Variants in TXNRD2 observed in about 807,000 individuals in gnomAD.
The protein encoded by TXNRD2 is thioredoxin reductase 2, mitochondrial.
TXNRD2 carries 67 observed loss-of-function variants against 70.8 expected under a neutral mutation model. The observed-to-expected ratio is 0.95, with a 90% CI of 0.78 to 1.16. The LOEUF is 1.16. Ranked by LOEUF, TXNRD2 falls within the 50% of genes most tolerant of loss-of-function variation. The pLI is 0.00. For synonymous variants in TXNRD2, 301 were observed against 295.8 expected (o/e 1.02, Z -0.18); for missense variants, 644 against 719.9 (o/e 0.89, Z 1.21).
At chr22:19,908,811 G>A (rs1256593366) in intron 8 of TXNRD2, among the ~76,000 whole-genome samples, 2 of 152,226 alleles carry the variant, frequency 1.3e-5, no homozygotes, top group South Asian at 2.1e-4. Context: ...AGAAGGAAAT[G>A]CAGATACAAC....
chr22:19,920,640 C>T (rs1207263521), intron 2 of TXNRD2, among the ~76,000 whole-genome samples: 3 of 152,030 alleles, frequency 2.0e-5, no homozygotes, highest in African/African-American at 7.2e-5. Context: ...TTCAAGCTTC[C>T]ATTTGCCCGG....
At chr22:19,923,868 AAATC>A (rs1941016245) in intron 2 of TXNRD2, among the ~76,000 whole-genome samples, 1 of 108,906 alleles carries the variant, frequency 9.2e-6, no homozygotes, top group Non-Finnish European at 1.9e-5. Context: ...TTTTTTTTTC[AAATC>A]TTGTGGACTT....
intron 11 of TXNRD2, among the ~76,000 whole-genome samples, chr22:19,888,250 G>A (rs1016960217): frequency 2.6e-5 from 4 of 152,144 alleles, no homozygotes; most frequent in African/African-American, 9.7e-5. Context: ...ATCACAATGA[G>A]AGCCCCACCA....
rs144004428 is a variant in TXNRD2, at chr22:19,886,154, G to A, written c.950-2693C>T. Among the ~76,000 whole-genome samples, 5 of 152,366 alleles carry A rather than the reference G, an allele frequency of 3.3e-5. No individual in the cohort carries two copies. The East Asian group carries it at 9.6e-4, about 29-fold the overall frequency. The stretch of plus-strand genomic sequence containing the variant: ...AAAGAAGAGTGAGTGGCCTGTGGCA[G>A]GCAGCAGGCTCAGCCCTGAGGAGGG... On this transcript the variant is annotated intron_variant, in intron 11 of 17. Coordinates refer to ENST00000400521, the MANE Select transcript of TXNRD2 (RefSeq NM_006440.5).
At position 19,909,783 on chromosome 22, in the gene TXNRD2, CCA is replaced by C. The variant is rs1195518697; in HGVS notation, c.662+1592_662+1593del. Among the ~76,000 whole-genome samples, 35 of 120,486 alleles carry C rather than the reference CCA, an allele frequency of 2.9e-4. 2 individuals are homozygous for C. Among genetic ancestry groups the C allele is most frequent in the African/African-American group, 7.7e-4 (24 of 31,026 alleles). The allele number at this position is 120,486 out of a possible 152,430, so 79.0% of individuals were successfully genotyped here. ...CCTTCACACACACACACCACACACA[CCA>C]CACACACACCACTCACACACACCAC... is the stretch of plus-strand genomic sequence containing the variant. On this transcript the variant is annotated intron_variant, in intron 8 of 17. Transcript: ENST00000400521.
chr22:19,878,486 C>T (rs762756911), intron 14 of TXNRD2, 49 bp from the exon 15 acceptor site: 88 of 1,544,366 alleles, frequency 5.7e-5, no homozygotes, highest in South Asian at 3.1e-4. Flanking sequence ...AAACAAACCT[C>T]GTGGCACCTG....
intron 11 of TXNRD2, among the ~76,000 whole-genome samples, chr22:19,892,947 T>C (rs1239555421): frequency 2.0e-5 from 3 of 152,234 alleles, no homozygotes; most frequent in African/African-American, 4.8e-5. Flanking sequence ...CTGAGAACAT[T>C]GCTCTTGCTG....
In TXNRD2 at chr22:19,921,447, T is replaced by G. The variant is rs139924984; in HGVS notation, c.173-1848A>C. Among the ~76,000 whole-genome samples, 750 of 147,046 alleles carry G rather than the reference T, an allele frequency of 5.1e-3. 7 individuals carry two copies. The highest frequency in any genetic ancestry group is 0.029 in the Middle Eastern group (8 of 278). ...AAAAAAAAAAAAGCCAGTGTGCCAG[T>G]GTGTAACTCCCACATCTGACCACGA... On this transcript the variant is annotated intron_variant, in intron 2 of 17. Transcript: ENST00000400521.
chr22:19,912,464 T>G (rs1940456238), intron 7 of TXNRD2, among the ~76,000 whole-genome samples: 1 of 152,042 alleles, frequency 6.6e-6, no homozygotes, highest in Non-Finnish European at 1.5e-5. Context: ...GCCCGTGAGG[T>G]GCAGAGCAGG....
At chr22:19,910,424 T>G (rs1024771892) in intron 8 of TXNRD2, among the ~76,000 whole-genome samples, 7 of 152,182 alleles carry the variant, frequency 4.6e-5, no homozygotes, top group Admixed American at 2.0e-4. Flanking sequence ...CCCTCCTTAA[T>G]GTTCTCCCTG....
At chr22:19,927,006 TC>T (rs1166257611) in intron 2 of TXNRD2, among the ~76,000 whole-genome samples, 2 of 151,864 alleles carry the variant, frequency 1.3e-5, no homozygotes, top group Non-Finnish European at 2.9e-5. Flanking sequence ...ATAAATATAA[TC>T]CCTTGACCGG....
intron 2 of TXNRD2, 26 bp downstream of exon 2, chr22:19,931,004 T>C: frequency 6.2e-7 from 1 of 1,610,174 alleles, no homozygotes; most frequent in Non-Finnish European, 8.5e-7. Flanking sequence ...TTCGAGGCCT[T>C]GCCACGAAGT....
At chr22:19,915,688 C>T (rs1455915998) in intron 6 of TXNRD2, 77 bp downstream of exon 6, 9 of 1,366,066 alleles carry the variant, frequency 6.6e-6, no homozygotes, top group Non-Finnish European at 9.4e-6. Flanking sequence ...AGCACCCAGG[C>T]CAAACACAGC....
intron 2 of TXNRD2, among the ~76,000 whole-genome samples, chr22:19,926,452 T>C (rs557078910): frequency 6.6e-6 from 1 of 151,988 alleles, no homozygotes; most frequent in Non-Finnish European, 1.5e-5. Flanking sequence ...ATCACACCAC[T>C]GCACTCCAGT....
chr22:19,915,709 G>A (rs1940605847), intron 6 of TXNRD2, 56 bp downstream of exon 6: 18 of 1,526,530 alleles, frequency 1.2e-5, no homozygotes, highest in Non-Finnish European at 1.5e-5. Context: ...TGCAGTTGGT[G>A]CCCAAGGTCT....
chr22:19,911,518 T>A (rs1940411651), intron 7 of TXNRD2, 71 bp from the exon 8 acceptor site: 1 of 1,174,056 alleles, frequency 8.5e-7, no homozygotes, highest in Non-Finnish European at 1.3e-6. Context: ...TTAAAGAGGA[T>A]GCCAGCTTTG....
intron 14 of TXNRD2, 52 bp from the exon 15 acceptor site, chr22:19,878,489 G>T: frequency 6.6e-7 from 1 of 1,518,826 alleles, no homozygotes; most frequent in Non-Finnish European, 9.1e-7. Flanking sequence ...CAAACCTCGT[G>T]GCACCTGCAG....
chr22:19,909,910 C>CA (rs1569094039), intron 8 of TXNRD2, among the ~76,000 whole-genome samples: 50 of 98,778 alleles, frequency 5.1e-4, no homozygotes, highest in Admixed American at 4.8e-3. Context: ...CACCACACAC[C>CA]CACACCCTTC....
chr22:19,918,082 G>T, intron 5 of TXNRD2, 61 bp downstream of exon 5: 1 of 1,416,692 alleles, frequency 7.1e-7, no homozygotes, highest in Non-Finnish European at 1.0e-6. Context: ...TGTGTGTCCA[G>T]GCACAGAACG....
Sources: gnomAD v4.1 joint callset for allele counts (sites outside exome capture counted in the v4.1 genomes callset) on GRCh38, gnomAD v4.1.1 for gene constraint, MANE v1.5 for transcripts, NCBI Gene and HGNC (gene_info 2026-07-23, HGNC 2026-07-21) for gene names.